Variants in ALK observed in about 807,000 individuals in gnomAD.
The protein encoded by ALK is ALK tyrosine kinase receptor.
Under a neutral mutation model 163.1 loss-of-function variants are expected in ALK, and 74 were observed. That is an observed-to-expected ratio of 0.45 (90% CI 0.38 to 0.55). ALK has a LOEUF of 0.55. ALK is among the 20% of genes least tolerant of loss of function. ALK has a pLI of 0.00. For synonymous variants in ALK, 960 were observed against 843.2 expected (o/e 1.14, Z -2.40); for missense variants, 2,063 against 2,105.3 (o/e 0.98, Z 0.39).
chr2:29,695,022 A>G lies in ALK; in HGVS notation c.788-8T>C. ...CAAAGCTGCACTCCAGACCTGCAAT[A>G]ATAGCCAAGGGTCAATGGAAAAAAC... On this transcript the variant is annotated splice_region_variant and splice_polypyrimidine_tract_variant and intron_variant, in intron 2 of 28. Coordinates refer to ENST00000389048, the MANE Select transcript of ALK (RefSeq NM_004304.5). 6.2e-7 allele frequency: 1 copy of G among 1,614,012 alleles called. No individual in the cohort carries two copies. The highest frequency in any genetic ancestry group is 8.5e-7 in the Non-Finnish European group (1 of 1,179,956).
At chr2:29,342,513 G>A (rs970908529) in intron 5 of ALK, among the ~76,000 whole-genome samples, 2 of 152,176 alleles carry the variant, frequency 1.3e-5, no homozygotes. Context: ...TCTGAAAATT[G>A]GTTGCACAGT....
rs140819180 is a variant in ALK, at chr2:29,499,589, T to C, written c.1154+32326A>G. On this transcript the variant is annotated intron_variant, in intron 4 of 28. Coordinates refer to ENST00000389048, the MANE Select transcript of ALK (RefSeq NM_004304.5). ...CTCCCACACATCTCCCTGGTTCCAC[T>C]CTCTAGACCCTCTCGCCTCCCTCCA... 1.4e-3 allele frequency among the ~76,000 whole-genome samples: 219 copies of C among 152,266 alleles called. 1 individual carries two copies. Among genetic ancestry groups the C allele is most frequent in the African/African-American group, 5.2e-3 (215 of 41,560 alleles).
intron 4 of ALK, among the ~76,000 whole-genome samples, chr2:29,485,247 C>A (rs1180406319): frequency 6.6e-6 from 1 of 152,192 alleles, no homozygotes; most frequent in Non-Finnish European, 1.5e-5. Context: ...TTCTGAGTAA[C>A]CACCAATGGA....
intron 1 of ALK, among the ~76,000 whole-genome samples, chr2:29,802,302 GGGAGGGAAGGGGATGGGAGGGGAGA>G: frequency 8.1e-6 from 1 of 122,764 alleles, no homozygotes; most frequent in Non-Finnish European, 1.7e-5. Context: ...AGAAGAGGAG[GGGAGGGAAGGGGATGGGAGGGGAGA>G]GGAGGGGAGG....
chr2:29,574,057 G>GA (rs1393068474), intron 3 of ALK, among the ~76,000 whole-genome samples: 294 of 34,048 alleles, frequency 8.6e-3, no homozygotes, highest in African/African-American at 0.018. Context: ...CCCCCTATCT[G>GA]AAAAAAATAA....
rs1340905548 is a variant in ALK, at chr2:29,397,908, A to G, written c.1155-14049T>C. On this transcript the variant is annotated intron_variant, in intron 4 of 28. Coordinates refer to ENST00000389048, the MANE Select transcript of ALK (RefSeq NM_004304.5). ...TAATGGAATTTGGAATTCAGAATTC[A>G]GGCCTCTGCTGTATCAGCCATATGG... Among the ~76,000 whole-genome samples, 6 of 152,256 alleles carry G rather than the reference A, an allele frequency of 3.9e-5. 1 individual carries two copies. The highest frequency in any genetic ancestry group is 3.3e-4 in the Admixed American group (5 of 15,292).
At chr2:29,707,227 T>A (rs555115239) in intron 2 of ALK, among the ~76,000 whole-genome samples, 1 of 152,204 alleles carries the variant, frequency 6.6e-6, no homozygotes, top group African/African-American at 2.4e-5. Flanking sequence ...CCCCAGAATA[T>A]GCAGACGGAC....
rs80227749 is a variant in ALK at position 29,233,636 on chromosome 2, G to A, written c.2416C>T (p.Arg806Cys). The change falls in exon 14 of 29, where the codon CGT (arginine) becomes TGT (cysteine). Residue 806 changes from arginine to cysteine, a missense_variant. By Grantham distance (180) the Arg-to-Cys change is radical (BLOSUM62 -3). Around this residue, in one of 5 missense-constraint regions of ALK, gnomAD observed 575 missense variants for 626.6 expected, o/e 0.92. Transcript: ENST00000389048. ...GENNVIEEEI[R>C]VNRSVHEWAG... is the part of the protein sequence containing the mutation. Reference sequence around the variant, plus strand: ...CACTCATGCACGCTTCTGTTCACACGGATTTCTTCTTCTATCACATTGTTC... The same window carrying A: ...CACTCATGCACGCTTCTGTTCACACAGATTTCTTCTTCTATCACATTGTTC... 49 of 1,614,172 alleles carry A rather than the reference G, an allele frequency of 3.0e-5. No individual in the cohort carries two copies. Among genetic ancestry groups the A allele is most frequent in the Admixed American group, 2.5e-4 (15 of 60,022 alleles).
At chr2:29,546,882 T>C (rs1384658550) in intron 3 of ALK, among the ~76,000 whole-genome samples, 2 of 152,174 alleles carry the variant, frequency 1.3e-5, no homozygotes, top group African/African-American at 4.8e-5. Flanking sequence ...TCTACTGTGG[T>C]TCTCAGATAC....
At chr2:29,653,778 A>G (rs1677100671) in intron 3 of ALK, among the ~76,000 whole-genome samples, 1 of 152,118 alleles carries the variant, frequency 6.6e-6, no homozygotes, top group African/African-American at 2.4e-5. Context: ...AATCATATAC[A>G]GGACTGGGCA....
intron 3 of ALK, among the ~76,000 whole-genome samples, chr2:29,670,924 T>C (rs1677664273): frequency 6.6e-6 from 1 of 152,220 alleles, no homozygotes; most frequent in East Asian, 1.9e-4. Context: ...ATCTTGGAGA[T>C]CACTAAGTTT....
intron 6 of ALK, 96 bp downstream of exon 6, chr2:29,328,254 A>G: frequency 6.4e-7 from 1 of 1,572,662 alleles, no homozygotes; most frequent in Non-Finnish European, 8.7e-7. Flanking sequence ...GGATATCAGG[A>G]AGGCTGTCCA....
chr2:29,764,156 C>G (rs531299291), intron 1 of ALK, among the ~76,000 whole-genome samples: 156 of 152,288 alleles, frequency 1.0e-3, no homozygotes, highest in African/African-American at 3.6e-3. Context: ...TACCAGGATG[C>G]AATTCAAGGA....
At chr2:29,236,550 C>T (rs1357136331) in intron 13 of ALK, among the ~76,000 whole-genome samples, 2 of 152,168 alleles carry the variant, frequency 1.3e-5, no homozygotes, top group Non-Finnish European at 2.9e-5. Context: ...GCTCATCCCC[C>T]GCACCCCTGC....
chr2:29,625,507 A>G lies in ALK; in HGVS notation c.952+69343T>C, dbSNP rs76625164. 3.7e-3 allele frequency among the ~76,000 whole-genome samples: 566 copies of G among 152,318 alleles called. 1 individual carries two copies. Among genetic ancestry groups the G allele is most frequent in the African/African-American group, 0.012 (509 of 41,570 alleles). On this transcript the variant is annotated intron_variant, in intron 3 of 28. Coordinates refer to ENST00000389048, the MANE Select transcript of ALK (RefSeq NM_004304.5). ...AATTACAACTACCTAAATTTCACAA[A>G]TCAGAAAACTGATAACTAGAATATG...
intron 1 of ALK, among the ~76,000 whole-genome samples, chr2:29,850,257 T>C (rs1665955622): frequency 6.6e-6 from 1 of 152,110 alleles, no homozygotes; most frequent in African/African-American, 2.4e-5. Context: ...AGCAGCAAGT[T>C]AGAAGTCGGG....
At chr2:29,213,139 G>A (rs1669508481) in intron 24 of ALK, among the ~76,000 whole-genome samples, 1 of 152,146 alleles carries the variant, frequency 6.6e-6, no homozygotes, top group Non-Finnish European at 1.5e-5. Flanking sequence ...TACATTAGAG[G>A]CAAATCATTA....
At chr2:29,531,261 AAAAAC>A (rs1673111044) in intron 4 of ALK, among the ~76,000 whole-genome samples, 15 of 152,230 alleles carry the variant, frequency 9.9e-5, no homozygotes, top group Non-Finnish European at 2.1e-4. Flanking sequence ...TATGGAATGG[AAAAAC>A]AAAAGCCAGG....
intron 4 of ALK, among the ~76,000 whole-genome samples, chr2:29,450,245 T>C (rs1273691508): frequency 1.3e-5 from 2 of 152,174 alleles, no homozygotes; most frequent in East Asian, 1.9e-4. Flanking sequence ...CGCTCAGATG[T>C]TCATGTATGC....
Sources: allele counts gnomAD v4.1 joint callset (sites outside exome capture counted in the v4.1 genomes callset), GRCh38; gene constraint gnomAD v4.1.1; regional missense constraint gnomAD v4.1.1; transcripts MANE v1.5; gene names NCBI Gene and HGNC (gene_info 2026-07-23, HGNC 2026-07-21).